Variants in NUDT3 observed in about 807,000 individuals in gnomAD.
NUDT3 encodes the protein nudix hydrolase 3, also known as diphosphoinositol polyphosphate phosphohydrolase 1.
NUDT3 carries 9 observed loss-of-function variants against 23.6 expected under a neutral mutation model. The observed-to-expected ratio is 0.38, with a 90% confidence interval of 0.23 to 0.66. The LOEUF (loss-of-function observed/expected upper bound fraction) is 0.66, where lower values mean the gene tolerates loss of function less well. Among genes scored for constraint, NUDT3 ranks in the 30% least tolerant of loss-of-function variants. The pLI is 0.52. For missense variants in NUDT3, 172 were observed against 218.5 expected (o/e 0.79, Z 1.34); for synonymous variants, 86 against 82.6 (o/e 1.04, Z -0.22).
At chr6:34,322,607 A>G (rs1181255455) in intron 2 of NUDT3, among the ~76,000 whole-genome samples, 2 of 152,236 alleles carry the variant, frequency 1.3e-5, no homozygotes, top group African/African-American at 2.4e-5. Context: ...ATGATAAAAC[A>G]GCCTAAAAAG....
intron 2 of NUDT3, among the ~76,000 whole-genome samples, chr6:34,310,629 G>C (rs923529222): frequency 2.0e-5 from 3 of 152,054 alleles, no homozygotes; most frequent in Non-Finnish European, 4.4e-5. Flanking sequence ...TACAAGTTAA[G>C]GAAAAAATTA....
chr6:34,321,963 C>T (rs556684373), intron 2 of NUDT3, among the ~76,000 whole-genome samples: 48 of 152,028 alleles, frequency 3.2e-4, no homozygotes, highest in African/African-American at 1.1e-3. Flanking sequence ...GTTGTTTTAC[C>T]GCTTCTTGTG....
intron 1 of NUDT3, among the ~76,000 whole-genome samples, chr6:34,372,719 G>A (rs1382642296): frequency 9.2e-5 from 14 of 151,952 alleles, no homozygotes; most frequent in East Asian, 1.9e-4. Context: ...CAGGAGAATC[G>A]CTTGAACCCA....
rs572736305 is a variant in NUDT3, at chr6:34,383,577, T to C, written c.99+8687A>G. Among the ~76,000 whole-genome samples, 8 of 152,306 alleles carry C rather than the reference T, an allele frequency of 5.3e-5. No individual in the cohort carries two copies. In the East Asian group the frequency reaches 1.4e-3, roughly 26 times the overall value. On this transcript the variant is annotated intron_variant, in intron 1 of 4. Transcript: ENST00000607016. ...GTCTTACACAGACACTCCAAAAATG[T>C]GTGCTGAAGAAATGAATAAACAATT... is the stretch of plus-strand genomic sequence containing the variant.
At chr6:34,308,293 A>G (rs1233280641) in intron 2 of NUDT3, among the ~76,000 whole-genome samples, 1 of 151,818 alleles carries the variant, frequency 6.6e-6, no homozygotes, top group East Asian at 1.9e-4. Context: ...CCCTCTCTCT[A>G]CAAGAAATAA....
intron 2 of NUDT3, among the ~76,000 whole-genome samples, chr6:34,324,127 C>T (rs1015777510): frequency 6.6e-5 from 10 of 152,026 alleles, no homozygotes; most frequent in African/African-American, 2.4e-4. Flanking sequence ...GGTGGAGGTG[C>T]ACAGATCACC....
intron 1 of NUDT3, among the ~76,000 whole-genome samples, chr6:34,374,829 G>A (rs766473761): frequency 3.9e-5 from 6 of 152,068 alleles, no homozygotes; most frequent in Non-Finnish European, 8.8e-5. Flanking sequence ...ACAACTTCAA[G>A]AATTAGGTAT....
At position 34,325,455 on chromosome 6, in the gene NUDT3, C is replaced by A. The variant is rs530027432; in HGVS notation, c.210+16407G>T. The stretch of plus-strand genomic sequence containing the variant: ...CAAATTCCTGGGCTCAAGTGATCCT[C>A]CCACCTGGGCTTCTCAAAGTGCTGG... On this transcript the variant is annotated intron_variant, in intron 2 of 4. Coordinates refer to ENST00000607016, the MANE Select transcript of NUDT3 (RefSeq NM_006703.4). Among the ~76,000 whole-genome samples, 217 of 152,304 alleles carry A rather than the reference C, an allele frequency of 1.4e-3. 1 individual carries two copies. The highest frequency in any genetic ancestry group is 4.9e-3 in the African/African-American group (202 of 41,572).
At chr6:34,360,776 G>A (rs1215858148) in intron 1 of NUDT3, among the ~76,000 whole-genome samples, 9 of 151,258 alleles carry the variant, frequency 6.0e-5, no homozygotes, top group Non-Finnish European at 1.3e-4. Flanking sequence ...TGAATGAGAA[G>A]ACACAAGCCA....
intron 1 of NUDT3, among the ~76,000 whole-genome samples, chr6:34,357,325 GT>G (rs796073863): frequency 2.7e-4 from 41 of 150,804 alleles, no homozygotes; most frequent in African/African-American, 9.0e-4. Flanking sequence ...ATAATAAAAG[GT>G]TTTTTTTTAG....
At chr6:34,316,961 A>G (rs1763870878) in intron 2 of NUDT3, among the ~76,000 whole-genome samples, 1 of 152,094 alleles carries the variant, frequency 6.6e-6, no homozygotes, top group Non-Finnish European at 1.5e-5. Context: ...GTAGCTAAGG[A>G]ATTGAGGTGA....
At chr6:34,358,851 G>A (rs992936742) in intron 1 of NUDT3, among the ~76,000 whole-genome samples, 16 of 152,118 alleles carry the variant, frequency 1.1e-4, no homozygotes, top group Non-Finnish European at 2.4e-4. Flanking sequence ...GGTGGACCAG[G>A]AATAATACAG....
At chr6:34,322,502 T>G (rs1325454419) in intron 2 of NUDT3, among the ~76,000 whole-genome samples, 1 of 152,184 alleles carries the variant, frequency 6.6e-6, no homozygotes, top group African/African-American at 2.4e-5. Context: ...GTACTGGGAC[T>G]ACAGGCATGA....
rs940648113 is a variant in NUDT3, at chr6:34,288,662, C to T, written c.*91G>A. The T allele has an allele frequency of 1.8e-5, 27 of 1,484,232 alleles. No homozygotes were observed. Among genetic ancestry groups the T allele is most frequent in the East Asian group, 2.4e-5 (1 of 42,176 alleles). The allele number at this position is 1,484,232 out of a possible 1,614,324, so 91.9% of individuals were successfully genotyped here. ...ACCATGCCTTATTTGAAAGAGGAGG[C>T]CTGTGAGAAGTGGAAAGAGCCAGGG... On this transcript the variant is annotated 3_prime_UTR_variant, in exon 5 of 5. Coordinates refer to ENST00000607016, the MANE Select transcript of NUDT3 (RefSeq NM_006703.4).
At chr6:34,375,161 G>A (rs113960608) in intron 1 of NUDT3, among the ~76,000 whole-genome samples, 28 of 152,114 alleles carry the variant, frequency 1.8e-4, no homozygotes, top group Admixed American at 5.9e-4. Flanking sequence ...TGACCAACAC[G>A]GTGAAACCCC....
intron 1 of NUDT3, among the ~76,000 whole-genome samples, chr6:34,389,903 G>A (rs1207715292): frequency 6.6e-6 from 1 of 151,702 alleles, no homozygotes. Context: ...GGCGGAGCTT[G>A]CAGTGAGCCG....
Position 34,282,719 on chromosome 6 carries a change from T to C in NUDT3, c.*6034A>G, listed in dbSNP as rs1427991115. 5 of 152,158 alleles carry C rather than the reference T, an allele frequency of 3.3e-5. No homozygotes were observed. Among genetic ancestry groups the C allele is most frequent in the Non-Finnish European group, 7.4e-5 (5 of 68,020 alleles). 9.4% of individuals were successfully genotyped at this position (152,158 alleles called of 1,614,324 possible). On this transcript the variant is annotated 3_prime_UTR_variant, in exon 5 of 5. Transcript: ENST00000607016. ...AAGGATGGGTAGCACATCAAAATGG[T>C]GATGAACCTGGCAAAACGACAATGC...
intron 2 of NUDT3, among the ~76,000 whole-genome samples, chr6:34,336,457 C>T (rs1364330954): frequency 6.6e-6 from 1 of 152,044 alleles, no homozygotes; most frequent in Non-Finnish European, 1.5e-5. Context: ...TTTGTATATA[C>T]TGAATAGTAA....
At position 34,286,008 on chromosome 6, in the gene NUDT3, C is replaced by T. The variant is rs1411193924; in HGVS notation, c.*2745G>A. On this transcript the variant is annotated 3_prime_UTR_variant, in exon 5 of 5. Transcript: ENST00000607016. ...GCACTTTCAGGGTAGTATATTGTTA[C>T]ACTAGCCCAGTCAAAACATACTCAG... 1.3e-5 allele frequency: 2 copies of T among 152,218 alleles called. No homozygotes were observed. Among genetic ancestry groups the T allele is most frequent in the Admixed American group, 6.5e-5 (1 of 15,276 alleles). 9.4% of individuals were successfully genotyped at this position (152,218 alleles called of 1,614,324 possible).
Sources: gnomAD v4.1 joint callset for allele counts (sites outside exome capture counted in the v4.1 genomes callset) on GRCh38, gnomAD v4.1.1 for gene constraint, MANE v1.5 for transcripts, NCBI Gene and HGNC (gene_info 2026-07-23, HGNC 2026-07-21) for gene names.